Variants in SEPTIN9 observed in about 807,000 individuals in gnomAD.
SEPTIN9 encodes septin 9, also known as septin-9.
SEPTIN9 carries 13 observed loss-of-function variants against 56.6 expected under a neutral mutation model. The observed-to-expected ratio is 0.23, with a 90% CI of 0.15 to 0.37. The LOEUF is 0.37. SEPTIN9 is among the 10% of genes least tolerant of loss of function. SEPTIN9 has a pLI of 1.00. For missense variants in SEPTIN9, 650 were observed against 823.1 expected (o/e 0.79, Z 2.57); for synonymous variants, 332 against 334.1 (o/e 0.99, Z 0.07).
In SEPTIN9 at chr17:77,400,957, A is replaced by G. The variant is rs1598313732; in HGVS notation, c.77-1102A>G. ...GAGCAGACCCTGGTGGAGAGGCAGG[A>G]TGGCTGCAGGGCGGGAGCTGGTGGT... On this transcript the variant is annotated intron_variant, in intron 2 of 11. Transcript: ENST00000427177. This position sits in a 1 kb window ranked among gnomAD's most constrained non-coding sequence, Gnocchi z 4.1. Among the ~76,000 whole-genome samples, 1 of 152,130 alleles carries G rather than the reference A, an allele frequency of 6.6e-6. No homozygotes were observed. Among genetic ancestry groups the G allele is most frequent in the Non-Finnish European group, 1.5e-5 (1 of 68,012 alleles).
intron 7 of SEPTIN9, among the ~76,000 whole-genome samples, chr17:77,489,404 C>T (rs896239030): frequency 4.6e-5 from 7 of 152,116 alleles, no homozygotes; most frequent in African/African-American, 7.2e-5. Context: ...TCAGCAAGGG[C>T]GGGAGGCTGC....
chr17:77,355,554 G>A (rs896232272), intron 2 of SEPTIN9, among the ~76,000 whole-genome samples: 3 of 152,114 alleles, frequency 2.0e-5, no homozygotes, highest in Admixed American at 6.6e-5. Context: ...GATGGGGATC[G>A]TGGGCTGAAT....
Position 77,400,956 on chromosome 17 carries a change from G to A in SEPTIN9, c.77-1103G>A, listed in dbSNP as rs2035877961. 6.6e-6 allele frequency among the ~76,000 whole-genome samples: 1 copy of A among 152,192 alleles called. No homozygotes were observed. The highest frequency in any genetic ancestry group is 1.5e-5 in the Non-Finnish European group (1 of 68,038). On this transcript the variant is annotated intron_variant, in intron 2 of 11. Coordinates refer to ENST00000427177, the MANE Select transcript of SEPTIN9 (RefSeq NM_001113491.2). The surrounding 1 kb of genome is among the most constrained non-coding windows in gnomAD (Gnocchi z 4.1). ...GGAGCAGACCCTGGTGGAGAGGCAG[G>A]ATGGCTGCAGGGCGGGAGCTGGTGG...
At chr17:77,457,846 T>C (rs1392508797) in intron 3 of SEPTIN9, among the ~76,000 whole-genome samples, 1 of 152,352 alleles carries the variant, frequency 6.6e-6, no homozygotes, top group East Asian at 1.9e-4. Flanking sequence ...AGAAAGTGCC[T>C]CCTGTAATGT....
At chr17:77,284,182 T>C (rs1297351469) in intron 1 of SEPTIN9, among the ~76,000 whole-genome samples, 1 of 152,070 alleles carries the variant, frequency 6.6e-6, no homozygotes, top group African/African-American at 2.4e-5. Context: ...CCCAGGAGGC[T>C]ACTCAGGAGG....
At chr17:77,335,327 TG>T (rs1946081775) in intron 2 of SEPTIN9, among the ~76,000 whole-genome samples, 3 of 150,938 alleles carry the variant, frequency 2.0e-5, no homozygotes, top group Non-Finnish European at 4.4e-5. Context: ...GGCCCCATGT[TG>T]ACTGTATATG....
At chr17:77,463,476 G>A (rs1003508122) in intron 3 of SEPTIN9, among the ~76,000 whole-genome samples, 2 of 152,166 alleles carry the variant, frequency 1.3e-5, no homozygotes, top group South Asian at 2.1e-4. Context: ...CTAGTATATC[G>A]ACTTTGGAAA....
intron 3 of SEPTIN9, among the ~76,000 whole-genome samples, chr17:77,439,924 C>T (rs2037483438): frequency 6.6e-6 from 1 of 152,176 alleles, no homozygotes; most frequent in Non-Finnish European, 1.5e-5. Context: ...CCACTTACCA[C>T]CCTATTTTAA....
intron 2 of SEPTIN9, among the ~76,000 whole-genome samples, chr17:77,321,855 G>T (rs1598190403): frequency 6.6e-6 from 1 of 152,230 alleles, no homozygotes; most frequent in South Asian, 2.1e-4. Flanking sequence ...GAGCTCGGGG[G>T]CTCAGGCCCG....
At chr17:77,479,963 C>T (rs533501615) in intron 3 of SEPTIN9, among the ~76,000 whole-genome samples, 369 of 152,260 alleles carry the variant, frequency 2.4e-3, no homozygotes, top group African/African-American at 8.5e-3. Flanking sequence ...AGATGCAGGG[C>T]TGTGTCTTTG....
intron 3 of SEPTIN9, among the ~76,000 whole-genome samples, chr17:77,477,176 C>T (rs980836108): frequency 2.0e-5 from 3 of 151,482 alleles, no homozygotes; most frequent in African/African-American, 7.3e-5. Flanking sequence ...ATATAATTTC[C>T]ATATTACACC....
intron 3 of SEPTIN9, among the ~76,000 whole-genome samples, chr17:77,466,250 A>C (rs953552385): frequency 6.6e-6 from 1 of 152,160 alleles, no homozygotes; most frequent in Non-Finnish European, 1.5e-5. Context: ...GTCTGTTACC[A>C]TCCCTCAGAG....
chr17:77,459,274 C>G (rs1042525684), intron 3 of SEPTIN9, among the ~76,000 whole-genome samples: 1 of 152,230 alleles, frequency 6.6e-6, no homozygotes. Context: ...ACCTGAACTG[C>G]CTGGTGCCAC....
In SEPTIN9 at chr17:77,402,810, C is replaced by A; in HGVS notation, c.721+107C>A. ...GAAGCTGGATATGGGGTGGAGGGTG[C>A]TACCCTGGAGACCCAGAAAGACCGG... On this transcript the variant is annotated intron_variant, in intron 3 of 11. Transcript: ENST00000427177. This position sits in a 1 kb window ranked among gnomAD's most constrained non-coding sequence, Gnocchi z 6.6. 1 of 1,213,734 alleles carries A rather than the reference C, an allele frequency of 8.2e-7. No individual in the cohort carries two copies. The highest frequency in any genetic ancestry group is 1.1e-6 in the Non-Finnish European group (1 of 886,128). 75.2% of individuals were successfully genotyped at this position (1,213,734 alleles called of 1,614,324 possible).
chr17:77,473,092 A>G (rs923440694), intron 3 of SEPTIN9, among the ~76,000 whole-genome samples: 7 of 152,162 alleles, frequency 4.6e-5, no homozygotes, highest in Non-Finnish European at 1.0e-4. Context: ...GTCTCTGTCC[A>G]CCCGCTCTGG....
Position 77,319,978 on chromosome 17 carries a change from G to T in SEPTIN9, c.76+12781G>T. On this transcript the variant is annotated intron_variant, in intron 2 of 11. Coordinates refer to ENST00000427177, the MANE Select transcript of SEPTIN9 (RefSeq NM_001113491.2). This position sits in a 1 kb window ranked among gnomAD's most constrained non-coding sequence, Gnocchi z 5.3. ...GGGCGGCCGGGACTCTGGGACTCTCGCAGGCAGACCCGGTGGTCTGCCGGA... is the reference window on the plus strand; with the variant it reads ...GGGCGGCCGGGACTCTGGGACTCTCTCAGGCAGACCCGGTGGTCTGCCGGA... The T allele has an allele frequency of 7.4e-6, 9 of 1,214,634 alleles. No homozygotes were observed. Among genetic ancestry groups the T allele is most frequent in the Non-Finnish European group, 9.3e-6 (9 of 970,338 alleles). 75.2% of individuals were successfully genotyped at this position (1,214,634 alleles called of 1,614,324 possible).
intron 2 of SEPTIN9, among the ~76,000 whole-genome samples, chr17:77,399,206 G>A (rs2035824230): frequency 6.6e-6 from 1 of 152,192 alleles, no homozygotes; most frequent in Non-Finnish European, 1.5e-5. Context: ...CTGCTTTGGT[G>A]CAGTGTCTTC....
intron 2 of SEPTIN9, among the ~76,000 whole-genome samples, chr17:77,379,420 G>A (rs2035061228): frequency 6.6e-6 from 1 of 152,144 alleles, no homozygotes; most frequent in African/African-American, 2.4e-5. Flanking sequence ...GCATCACCCA[G>A]GGTAATACAG....
In SEPTIN9 at chr17:77,389,626, C is replaced by T. The variant is rs1429824391; in HGVS notation, c.77-12433C>T. Among the ~76,000 whole-genome samples the T allele has an allele frequency of 6.6e-6, 1 of 152,020 alleles. No individual in the cohort carries two copies. Among genetic ancestry groups the T allele is most frequent in the African/African-American group, 2.4e-5 (1 of 41,322 alleles). On this transcript the variant is annotated intron_variant, in intron 2 of 11. Coordinates refer to ENST00000427177, the MANE Select transcript of SEPTIN9 (RefSeq NM_001113491.2). The surrounding 1 kb of genome is among the most constrained non-coding windows in gnomAD (Gnocchi z 4.3). ...GGTCATCTGGTCCCTCTCCTACCCCCAGGCAGGCCACACCTAGACCCTCCC... is the reference window on the plus strand; with the variant it reads ...GGTCATCTGGTCCCTCTCCTACCCCTAGGCAGGCCACACCTAGACCCTCCC...
Sources: gnomAD v4.1 joint callset for allele counts (sites outside exome capture counted in the v4.1 genomes callset) on GRCh38, gnomAD v4.1.1 for gene constraint, Gnocchi (gnomAD v3.1) non-coding constraint, MANE v1.5 for transcripts, NCBI Gene and HGNC (gene_info 2026-07-23, HGNC 2026-07-21) for gene names.